Variants in PRKCE observed in about 807,000 individuals in gnomAD.
PRKCE encodes the protein protein kinase C epsilon.
Under a neutral mutation model 85.4 loss-of-function variants are expected in PRKCE, and 16 were observed. That is an observed-to-expected ratio of 0.19 (90% confidence interval 0.13 to 0.28). The LOEUF is 0.28. PRKCE is among the 10% of genes least tolerant of loss of function. The pLI, the probability that PRKCE is intolerant of heterozygous loss-of-function variation, is 1.00. For missense variants in PRKCE, 573 were observed against 975.2 expected, an observed-to-expected ratio of 0.59 and a Z score of 5.49; for synonymous variants, 388 against 371.5, an observed-to-expected ratio of 1.04 and a Z score of -0.51.
intron 2 of PRKCE, among the ~76,000 whole-genome samples, chr2:45,887,216 A>G (rs1695367389): frequency 6.6e-6 from 1 of 152,204 alleles, no homozygotes; most frequent in Non-Finnish European, 1.5e-5. Context: ...TCAGCTTTGC[A>G]GGTTATACTC....
intron 1 of PRKCE, among the ~76,000 whole-genome samples, chr2:45,680,353 C>T (rs892239812): frequency 2.0e-5 from 3 of 152,174 alleles, no homozygotes; most frequent in African/African-American, 7.2e-5. Context: ...TCTGTGTGCC[C>T]CCTTCTTTCC....
chr2:46,051,878 G>A (rs1442370939), intron 10 of PRKCE, among the ~76,000 whole-genome samples: 2 of 152,194 alleles, frequency 1.3e-5, no homozygotes, highest in Non-Finnish European at 1.5e-5. Flanking sequence ...TCAGAGGGCA[G>A]CAGAGAGAGA....
At chr2:46,064,685 G>A (rs1207106477) in intron 10 of PRKCE, among the ~76,000 whole-genome samples, 1 of 152,210 alleles carries the variant, frequency 6.6e-6, no homozygotes, top group East Asian at 1.9e-4. Flanking sequence ...TACGAACTAG[G>A]GAAGTTGGAA....
Position 46,145,090 on chromosome 2 carries a change from C to A in PRKCE, c.1593-3C>A. On this transcript the variant is annotated splice_region_variant and splice_polypyrimidine_tract_variant and intron_variant, in intron 11 of 14. Coordinates refer to ENST00000306156, the MANE Select transcript of PRKCE (RefSeq NM_005400.3). This position sits in a 1 kb window ranked among gnomAD's most constrained non-coding sequence, Gnocchi z 4.6. Reference sequence around the variant, plus strand: ...GACATTATGGTCCTGGCCTATCTTGCAGGGATTTGAAACTGGACAACATCC... The same window carrying A: ...GACATTATGGTCCTGGCCTATCTTGAAGGGATTTGAAACTGGACAACATCC... 1 of 1,599,696 alleles carries A rather than the reference C, an allele frequency of 6.3e-7. No individual in the cohort carries two copies. The highest frequency in any genetic ancestry group is 8.5e-7 in the Non-Finnish European group (1 of 1,179,936).
rs557046330 is a variant in PRKCE at position 46,041,198 on chromosome 2, T to G, written c.1437+30681T>G. 6.6e-6 allele frequency among the ~76,000 whole-genome samples: 1 copy of G among 152,352 alleles called. No individual in the cohort carries two copies. The highest frequency in any genetic ancestry group is 2.1e-4 in the South Asian group (1 of 4,828). On this transcript the variant is annotated intron_variant, in intron 10 of 14. Coordinates refer to ENST00000306156, the MANE Select transcript of PRKCE (RefSeq NM_005400.3). The surrounding 1 kb of genome is among the most constrained non-coding windows in gnomAD (Gnocchi z 5.5). ...GTACCAGTTGTTAAGCCATAGGTTTTAAACTAACAAATGATTACCCTTGAT... is the reference window on the plus strand; with the variant it reads ...GTACCAGTTGTTAAGCCATAGGTTTGAAACTAACAAATGATTACCCTTGAT...
chr2:45,879,845 T>C (rs1050252873), intron 2 of PRKCE, among the ~76,000 whole-genome samples: 6 of 152,256 alleles, frequency 3.9e-5, no homozygotes, highest in Non-Finnish European at 7.3e-5. Flanking sequence ...ATAATTAGCA[T>C]ATCCACAATC....
chr2:45,949,178 C>T lies in PRKCE; in HGVS notation c.413-27251C>T, dbSNP rs539931228. On this transcript the variant is annotated intron_variant, in intron 2 of 14. Transcript: ENST00000306156. ...ATATGCACATCCTCAGCTTAGCTGACTATTGTGTGATTGCTTATCAACATG... is the reference window on the plus strand; with the variant it reads ...ATATGCACATCCTCAGCTTAGCTGATTATTGTGTGATTGCTTATCAACATG... Among the ~76,000 whole-genome samples the T allele has an allele frequency of 2.0e-5, 3 of 152,306 alleles. No homozygotes were observed. The South Asian group carries it at 6.2e-4, about 32-fold the overall frequency.
intron 1 of PRKCE, among the ~76,000 whole-genome samples, chr2:45,710,269 AAC>A (rs1389146655): frequency 1.4e-4 from 22 of 152,308 alleles, no homozygotes; most frequent in South Asian, 2.1e-4. Context: ...GAGATTAAGG[AAC>A]ACATCCCCAG....
At chr2:45,842,524 A>G (rs568500454) in intron 1 of PRKCE, among the ~76,000 whole-genome samples, 148 of 152,322 alleles carry the variant, frequency 9.7e-4, no homozygotes, top group African/African-American at 3.3e-3. Context: ...GAATCTCAGC[A>G]TTACCACTTA....
At chr2:45,922,810 G>T (rs1233188801) in intron 2 of PRKCE, among the ~76,000 whole-genome samples, 1 of 152,212 alleles carries the variant, frequency 6.6e-6, no homozygotes, top group Non-Finnish European at 1.5e-5. Context: ...GTATCTTCCA[G>T]TGCTGGGATG....
chr2:45,892,965 G>A (rs143675604), intron 2 of PRKCE, among the ~76,000 whole-genome samples: 1 of 152,296 alleles, frequency 6.6e-6, no homozygotes, highest in East Asian at 1.9e-4. Context: ...GGAATTCACC[G>A]TGAAAGTCAG....
chr2:45,764,101 C>T (rs1684726643), intron 1 of PRKCE, among the ~76,000 whole-genome samples: 1 of 152,082 alleles, frequency 6.6e-6, no homozygotes, highest in Admixed American at 6.5e-5. Context: ...ATTACAATAC[C>T]CCAGGAGTTC....
chr2:45,904,750 G>T (rs936136665), intron 2 of PRKCE, among the ~76,000 whole-genome samples: 3 of 152,128 alleles, frequency 2.0e-5, no homozygotes, highest in Non-Finnish European at 2.9e-5. Context: ...TCCCAGATGC[G>T]CTCCTCTTTC....
chr2:45,948,504 T>G (rs1008743366), intron 2 of PRKCE, among the ~76,000 whole-genome samples: 1 of 152,010 alleles, frequency 6.6e-6, no homozygotes, highest in African/African-American at 2.4e-5. Flanking sequence ...GCTGGCATGG[T>G]GGTGTATGCC....
intron 1 of PRKCE, among the ~76,000 whole-genome samples, chr2:45,806,753 G>C (rs1281640435): frequency 6.6e-6 from 1 of 152,188 alleles, no homozygotes; most frequent in Non-Finnish European, 1.5e-5. Context: ...CTCAGGATGA[G>C]TACAGATGAG....
intron 1 of PRKCE, among the ~76,000 whole-genome samples, chr2:45,693,185 C>G (rs1677877128): frequency 6.6e-6 from 1 of 152,098 alleles, no homozygotes; most frequent in Non-Finnish European, 1.5e-5. Context: ...GACCCTCAGA[C>G]TTCCTGAAAG....
At chr2:46,081,478 A>G (rs1421186968) in intron 10 of PRKCE, among the ~76,000 whole-genome samples, 1 of 152,184 alleles carries the variant, frequency 6.6e-6, no homozygotes, top group Non-Finnish European at 1.5e-5. Flanking sequence ...GGGAGGGGAG[A>G]AAGTTATAAA....
chr2:45,726,500 C>A (rs1036504660), intron 1 of PRKCE, among the ~76,000 whole-genome samples: 1 of 152,136 alleles, frequency 6.6e-6, no homozygotes, highest in Non-Finnish European at 1.5e-5. Flanking sequence ...TGGTCATTAG[C>A]ATTTTTCTTA....
Position 46,038,199 on chromosome 2 carries a change from C to T in PRKCE, c.1437+27682C>T, listed in dbSNP as rs188680242. On this transcript the variant is annotated intron_variant, in intron 10 of 14. Transcript: ENST00000306156. ...TAATTTTAAGGAAAAAAAATCAAGG[C>T]GCTACTTTGCATTTAAAATTCATTT... Among the ~76,000 whole-genome samples, 10 of 152,130 alleles carry T rather than the reference C, an allele frequency of 6.6e-5. No homozygotes were observed. In the East Asian group the frequency reaches 9.7e-4, roughly 15 times the overall value.
Sources: allele counts gnomAD v4.1 joint callset (sites outside exome capture counted in the v4.1 genomes callset), GRCh38; gene constraint gnomAD v4.1.1; non-coding constraint Gnocchi (gnomAD v3.1); transcripts MANE v1.5; gene names NCBI Gene and HGNC (gene_info 2026-07-23, HGNC 2026-07-21).